ADAMTS17: variants seen among roughly 807,000 people sequenced by gnomAD.
ADAMTS17 encodes A disintegrin and metalloproteinase with thrombospondin motifs 17.
ADAMTS17 carries 113 observed loss-of-function variants against 141.5 expected under a neutral mutation model. The observed-to-expected ratio is 0.80, with a 90% CI of 0.69 to 0.93. ADAMTS17 has a LOEUF of 0.93. ADAMTS17 is among the 40% of genes least tolerant of loss of function. The pLI, the probability that ADAMTS17 is intolerant of heterozygous loss-of-function variation, is 0.00. For synonymous variants in ADAMTS17, 768 were observed against 630.6 expected, an observed-to-expected ratio of 1.22 and a Z score of -3.27; for missense variants, 1,659 against 1,517.9, an observed-to-expected ratio of 1.09 and a Z score of -1.54.
Position 99,976,437 on chromosome 15 carries a change from A to G in ADAMTS17, c.2950-215T>C. On this transcript the variant is annotated intron_variant, in intron 20 of 21. Coordinates refer to ENST00000268070, the MANE Select transcript of ADAMTS17 (RefSeq NM_139057.4). The stretch of plus-strand genomic sequence containing the variant: ...CAGGGGGCTGGGACGATGGCCTCAC[A>G]ATGTGGCTGCCCCTGGGCTGGGCAC... 11 of 670,102 alleles carry G rather than the reference A, an allele frequency of 1.6e-5. No homozygotes were observed. In the South Asian group the frequency reaches 1.7e-4, roughly 11 times the overall value. 41.5% of individuals were successfully genotyped at this position (670,102 alleles called of 1,614,324 possible). A position where few individuals can be genotyped will look rare whatever the true frequency, so the allele number is the denominator to read the frequency against.
chr15:100,191,424 G>A (rs2040912715), intron 8 of ADAMTS17, among the ~76,000 whole-genome samples: 1 of 152,210 alleles, frequency 6.6e-6, no homozygotes, highest in Non-Finnish European at 1.5e-5. Flanking sequence ...ATGGCTTTCT[G>A]TTTGAGTTTC....
At chr15:100,316,966 CA>C (rs2045584840) in intron 3 of ADAMTS17, among the ~76,000 whole-genome samples, 2 of 152,350 alleles carry the variant, frequency 1.3e-5, no homozygotes, top group Middle Eastern at 3.4e-3. Context: ...CAGTATCTGA[CA>C]GGCTCCACAC....
At chr15:100,309,402 T>C in intron 3 of ADAMTS17, among the ~76,000 whole-genome samples, 1 of 152,102 alleles carries the variant, frequency 6.6e-6, no homozygotes, top group East Asian at 1.9e-4. Context: ...ACAGCTGTGA[T>C]GGTGGTCGGC....
intron 15 of ADAMTS17, among the ~76,000 whole-genome samples, chr15:100,074,956 A>G (rs1408847537): frequency 6.6e-6 from 1 of 152,166 alleles, no homozygotes; most frequent in East Asian, 1.9e-4. Context: ...TTGGTTCATT[A>G]AATGAGAAAA....
At chr15:100,068,683 C>G (rs970827177) in intron 15 of ADAMTS17, among the ~76,000 whole-genome samples, 4 of 152,228 alleles carry the variant, frequency 2.6e-5, no homozygotes, top group Non-Finnish European at 5.9e-5. Context: ...AGACCTGTAG[C>G]TGAGGGTCCT....
At chr15:100,233,805 A>G (rs2042566803) in intron 7 of ADAMTS17, among the ~76,000 whole-genome samples, 1 of 151,896 alleles carries the variant, frequency 6.6e-6, no homozygotes, top group African/African-American at 2.4e-5. Context: ...ATGGGTGCCA[A>G]GCTGGAGATG....
intron 10 of ADAMTS17, among the ~76,000 whole-genome samples, chr15:100,140,134 T>A (rs1037458082): frequency 6.6e-6 from 1 of 152,144 alleles, no homozygotes; most frequent in Non-Finnish European, 1.5e-5. Context: ...TAGCTGGGAC[T>A]ACAGGCATGC....
chr15:100,225,317 A>G (rs1596314826), intron 7 of ADAMTS17, among the ~76,000 whole-genome samples: 1 of 152,380 alleles, frequency 6.6e-6, no homozygotes. Flanking sequence ...GTTTCGTTAA[A>G]ATAACTGAGT....
chr15:100,325,476 G>C (rs906214454), intron 3 of ADAMTS17, among the ~76,000 whole-genome samples: 1 of 152,166 alleles, frequency 6.6e-6, no homozygotes, highest in Non-Finnish European at 1.5e-5. Context: ...CGGCCAATAC[G>C]GTTTGGATGT....
chr15:100,228,483 A>G (rs946401092), intron 7 of ADAMTS17, among the ~76,000 whole-genome samples: 3 of 152,198 alleles, frequency 2.0e-5, no homozygotes, highest in African/African-American at 2.4e-5. Flanking sequence ...ATTATTGATC[A>G]ATTAGTGCAT....
rs2060209822 is a variant in ADAMTS17, at chr15:99,971,752, G to C, written c.*2650C>G. The C allele has an allele frequency of 1.3e-5, 2 of 152,220 alleles. No individual in the cohort carries two copies. Among genetic ancestry groups the C allele is most frequent in the African/African-American group, 4.8e-5 (2 of 41,466 alleles). 9.4% of individuals were successfully genotyped at this position (152,220 alleles called of 1,614,324 possible). A position where few individuals can be genotyped will look rare whatever the true frequency, so the allele number is the denominator to read the frequency against. ...GTTTAATTTTGCACCAATAAAAATA[G>C]CACCGTAGGGTCGTGAGACTCTGGT... On this transcript the variant is annotated 3_prime_UTR_variant, in exon 22 of 22. Coordinates refer to ENST00000268070, the MANE Select transcript of ADAMTS17 (RefSeq NM_139057.4).
intron 15 of ADAMTS17, among the ~76,000 whole-genome samples, chr15:100,078,518 C>G (rs924591859): frequency 6.6e-6 from 1 of 151,702 alleles, no homozygotes; most frequent in Non-Finnish European, 1.5e-5. Flanking sequence ...TATCCATATG[C>G]GAAAGGATGA....
intron 2 of ADAMTS17, 185 bp downstream of exon 2, chr15:100,340,854 C>T (rs1354879674): frequency 2.2e-6 from 2 of 898,352 alleles, no homozygotes; most frequent in African/African-American, 3.5e-5. Flanking sequence ...CTCCCACCCC[C>T]TTTGCCTATA....
At chr15:100,243,254 A>G (rs1339089237) in intron 7 of ADAMTS17, among the ~76,000 whole-genome samples, 2 of 152,238 alleles carry the variant, frequency 1.3e-5, no homozygotes, top group Non-Finnish European at 2.9e-5. Flanking sequence ...GGATGTTTCC[A>G]TATCCTGGCT....
chr15:100,205,390 A>G (rs1439279633), intron 7 of ADAMTS17, among the ~76,000 whole-genome samples: 1 of 152,210 alleles, frequency 6.6e-6, no homozygotes, highest in African/African-American at 2.4e-5. Context: ...GGAAGGAAAG[A>G]GAAACGAATA....
chr15:100,143,137 C>T (rs2038738380), intron 10 of ADAMTS17, among the ~76,000 whole-genome samples: 1 of 152,166 alleles, frequency 6.6e-6, no homozygotes, highest in Admixed American at 6.5e-5. Context: ...GGTGATGGGG[C>T]AGATGAACAC....
At chr15:100,052,981 G>A (rs2141596115) in intron 16 of ADAMTS17, among the ~76,000 whole-genome samples, 1 of 152,352 alleles carries the variant, frequency 6.6e-6, no homozygotes, top group East Asian at 1.9e-4. Context: ...CTGGGCAATG[G>A]CTAGAAAATC....
chr15:100,194,450 CCAA>C (rs1452668221), intron 8 of ADAMTS17, among the ~76,000 whole-genome samples: 1 of 152,206 alleles, frequency 6.6e-6, no homozygotes, highest in African/African-American at 2.4e-5. Context: ...CAAATCACAG[CCAA>C]CAATAGATGC....
intron 15 of ADAMTS17, among the ~76,000 whole-genome samples, chr15:100,070,194 A>T (rs2033865374): frequency 6.7e-6 from 1 of 150,274 alleles, no homozygotes; most frequent in Admixed American, 6.7e-5. Context: ...AGAGCTAACT[A>T]TACTAAATAT....
Sources: gnomAD v4.1 joint callset for allele counts (sites outside exome capture counted in the v4.1 genomes callset) on GRCh38, gnomAD v4.1.1 for gene constraint, MANE v1.5 for transcripts, NCBI Gene and HGNC (gene_info 2026-07-23, HGNC 2026-07-21) for gene names.